The following KIF6 variants were observed in gnomAD, a reference collection of about 807,000 sequenced individuals.
KIF6 encodes the protein kinesin family member 6, also known as kinesin-like protein KIF6.
A neutral mutation model predicts 112.7 loss-of-function variants in KIF6; 106 were observed. The observed-to-expected ratio is 0.94, with a 90% CI of 0.80 to 1.11. KIF6 has a LOEUF of 1.11. Among genes scored for constraint, KIF6 ranks in the 50% least tolerant of loss-of-function variants. The pLI is 0.00. For synonymous variants in KIF6, 339 were observed against 339.9 expected (o/e 1.00, Z 0.03); for missense variants, 929 against 964.0 (o/e 0.96, Z 0.48).
intron 22 of KIF6, among the ~76,000 whole-genome samples, chr6:39,336,843 C>T (rs546015781): frequency 9.2e-5 from 14 of 151,570 alleles, no homozygotes; most frequent in South Asian, 2.1e-4. Context: ...GCTCTGTCAC[C>T]GAGGCTGGAG....
At chr6:39,339,099 GCT>G (rs1274431021) in intron 22 of KIF6, among the ~76,000 whole-genome samples, 2 of 152,160 alleles carry the variant, frequency 1.3e-5, no homozygotes, top group East Asian at 1.9e-4. Flanking sequence ...AAGTGATGAA[GCT>G]CTGTCTGTAT....
chr6:39,355,549 C>T (rs1764600776), intron 19 of KIF6, among the ~76,000 whole-genome samples: 1 of 150,326 alleles, frequency 6.7e-6, no homozygotes, highest in Non-Finnish European at 1.5e-5. Flanking sequence ...CTGCAACCTC[C>T]ACCTCTTGGG....
chr6:39,528,430 C>A (rs751380616), intron 13 of KIF6, among the ~76,000 whole-genome samples: 24 of 152,318 alleles, frequency 1.6e-4, no homozygotes, highest in Middle Eastern at 3.4e-3. Context: ...CATGGGAATG[C>A]AGACATGTCT....
intron 13 of KIF6, among the ~76,000 whole-genome samples, chr6:39,504,108 C>A (rs1776299699): frequency 1.3e-5 from 2 of 152,036 alleles, no homozygotes; most frequent in African/African-American, 2.4e-5. Context: ...AAATCCTCAA[C>A]AAAATAATGG....
intron 13 of KIF6, among the ~76,000 whole-genome samples, chr6:39,514,588 CAA>C (rs1776960728): frequency 6.6e-6 from 1 of 152,160 alleles, no homozygotes; most frequent in Non-Finnish European, 1.5e-5. Context: ...CCTTGCAATA[CAA>C]AGACATAAAA....
chr6:39,462,169 T>TCACACAC (rs1440193429), intron 13 of KIF6, among the ~76,000 whole-genome samples: 7 of 152,208 alleles, frequency 4.6e-5, no homozygotes, highest in African/African-American at 1.7e-4. Flanking sequence ...ATTTACTTTA[T>TCACACAC]GGCCAAAGAA....
intron 13 of KIF6, among the ~76,000 whole-genome samples, chr6:39,515,827 A>T (rs1777055807): frequency 6.6e-6 from 1 of 152,226 alleles, no homozygotes; most frequent in Non-Finnish European, 1.5e-5. Context: ...GAGAATATCT[A>T]AATCGACTGT....
intron 13 of KIF6, among the ~76,000 whole-genome samples, chr6:39,518,879 A>G (rs566799526): frequency 6.6e-6 from 1 of 152,368 alleles, no homozygotes; most frequent in South Asian, 2.1e-4. Context: ...ACACATCTCA[A>G]TGGCACAACT....
At chr6:39,478,378 T>C (rs914810631) in intron 13 of KIF6, among the ~76,000 whole-genome samples, 5 of 152,264 alleles carry the variant, frequency 3.3e-5, no homozygotes, top group African/African-American at 1.2e-4. Flanking sequence ...ATTAATTCTT[T>C]CTTTTTATGG....
chr6:39,563,587 C>A (rs1405779711), intron 10 of KIF6, among the ~76,000 whole-genome samples: 1 of 152,168 alleles, frequency 6.6e-6, no homozygotes, highest in East Asian at 1.9e-4. Flanking sequence ...TAACCCAATT[C>A]TCTATTATAA....
At chr6:39,612,294 G>C (rs537450042) in intron 6 of KIF6, among the ~76,000 whole-genome samples, 1 of 152,226 alleles carries the variant, frequency 6.6e-6, no homozygotes, top group Admixed American at 6.5e-5. Flanking sequence ...TCAGAGACAA[G>C]GTAAAATACA....
intron 16 of KIF6, among the ~76,000 whole-genome samples, chr6:39,370,700 C>T (rs1765907554): frequency 6.6e-6 from 1 of 152,166 alleles, no homozygotes; most frequent in Admixed American, 6.5e-5. Flanking sequence ...CCTAAGCCTA[C>T]CTCCTCTCCC....
In KIF6 at chr6:39,337,168, C is replaced by CTTTCT. The variant is rs531905392; in HGVS notation, c.2429-621_2429-620insAGAAA. ...CCTTTCTCTTTCTTTTCTTTCTTTC[C>CTTTCT]TTCCTTCTTTCTTTCTTTCTTTCTT... On this transcript the variant is annotated intron_variant, in intron 22 of 22. Coordinates refer to ENST00000287152, the MANE Select transcript of KIF6 (RefSeq NM_145027.6). Among the ~76,000 whole-genome samples the CTTTCT allele has an allele frequency of 8.7e-4, 42 of 48,536 alleles. 3 individuals carry two copies. Among genetic ancestry groups the CTTTCT allele is most frequent in the East Asian group, 6.9e-3 (17 of 2,468 alleles). 31.8% of individuals were successfully genotyped at this position (48,536 alleles called of 152,430 possible).
chr6:39,662,461 T>G (rs950637638), intron 3 of KIF6, among the ~76,000 whole-genome samples: 6 of 152,326 alleles, frequency 3.9e-5, no homozygotes, highest in Middle Eastern at 3.4e-3. Context: ...AAATTTGAAT[T>G]AATCAAATGT....
chr6:39,665,533 AT>A (rs1368297957), intron 3 of KIF6, among the ~76,000 whole-genome samples: 2 of 152,226 alleles, frequency 1.3e-5, no homozygotes, highest in Non-Finnish European at 1.5e-5. Flanking sequence ...AATGCCGACA[AT>A]TTTAAATAGT....
intron 3 of KIF6, among the ~76,000 whole-genome samples, chr6:39,649,773 G>A (rs549854911): frequency 6.8e-5 from 6 of 87,938 alleles, no homozygotes; most frequent in African/African-American, 2.1e-4. Flanking sequence ...AAGAAAGAAA[G>A]AAAAGAAACT....
chr6:39,627,407 G>T (rs1198981189), intron 5 of KIF6, among the ~76,000 whole-genome samples: 8 of 152,120 alleles, frequency 5.3e-5, no homozygotes, highest in Non-Finnish European at 8.8e-5. Context: ...TCTGCTACGA[G>T]TTCCAGGGAA....
intron 3 of KIF6, among the ~76,000 whole-genome samples, chr6:39,675,320 C>A (rs1226622714): frequency 1.3e-5 from 2 of 152,074 alleles, no homozygotes; most frequent in Non-Finnish European, 2.9e-5. Flanking sequence ...ACTTGCCTTT[C>A]TACCTGAACT....
At chr6:39,404,432 C>CT (rs1768936290) in intron 15 of KIF6, among the ~76,000 whole-genome samples, 1 of 151,750 alleles carries the variant, frequency 6.6e-6, no homozygotes, top group Admixed American at 6.6e-5. Flanking sequence ...GAAAAAAACC[C>CT]TATTCTTTCT....
Sources: gnomAD v4.1 joint callset for allele counts (sites outside exome capture counted in the v4.1 genomes callset) on GRCh38, gnomAD v4.1.1 for gene constraint, MANE v1.5 for transcripts, NCBI Gene and HGNC (gene_info 2026-07-23, HGNC 2026-07-21) for gene names.